The following P2RX7 variants were observed in gnomAD, a reference collection of about 807,000 sequenced individuals.
P2RX7 encodes the protein purinergic receptor P2X 7, also known as P2X purinoceptor 7.
P2RX7 carries 62 observed loss-of-function variants against 71.6 expected under a neutral mutation model. The observed-to-expected ratio is 0.87, with a 90% confidence interval of 0.71 to 1.07. P2RX7 has a LOEUF of 1.07. P2RX7 is among the 50% of genes least tolerant of loss of function. P2RX7 has a pLI of 0.00. For synonymous variants in P2RX7, 299 were observed against 283.3 expected (o/e 1.06, Z -0.56); for missense variants, 686 against 748.5 (o/e 0.92, Z 0.97).
intron 8 of P2RX7, among the ~76,000 whole-genome samples, chr12:121,174,720 A>G (rs1362821491): frequency 6.6e-6 from 1 of 152,050 alleles, no homozygotes; most frequent in Non-Finnish European, 1.5e-5. Flanking sequence ...TTCCCCCTTA[A>G]GGAATAGTCA....
At chr12:121,152,125 G>T (rs535251225) in intron 1 of P2RX7, among the ~76,000 whole-genome samples, 1 of 151,060 alleles carries the variant, frequency 6.6e-6, no homozygotes, top group Admixed American at 6.6e-5. Flanking sequence ...GATTACAGGC[G>T]CACACCACCA....
rs1307778619 is a variant in P2RX7, at chr12:121,187,809, AG to A, written c.*3008del. 6.6e-6 allele frequency: 1 copy of A among 152,202 alleles called. No individual in the cohort carries two copies. Among genetic ancestry groups the A allele is most frequent in the African/African-American group, 2.4e-5 (1 of 41,462 alleles). 9.4% of individuals were successfully genotyped at this position (152,202 alleles called of 1,614,324 possible). The stretch of plus-strand genomic sequence containing the variant: ...GTAGGATCTGTTTTCTTATACTTAA[AG>A]ACAGACTTCTGCTACGGTAATTGCC... On this transcript the variant is annotated 3_prime_UTR_variant, in exon 13 of 13. Coordinates refer to ENST00000328963, the MANE Select transcript of P2RX7 (RefSeq NM_002562.6).
At position 121,184,625 on chromosome 12, in the gene P2RX7, T is replaced by C; in HGVS notation, c.1611T>C (p.Asp537=). Residue 537 remains aspartate, a synonymous_variant, in exon 13 of 13, where the codon GAT becomes GAC. Transcript: ENST00000328963. The stretch of plus-strand genomic sequence containing the variant: ...ACCAGGAGCCCTTGCTGGCGCTGGA[T>C]GTGGATTCCACCAACAGCCGGCTGC... ...LLYQEPLLAL[D]VDSTNSRLRH... is the part of the protein sequence containing the mutation. 2.5e-6 allele frequency: 4 copies of C among 1,611,474 alleles called. No homozygotes were observed. Among genetic ancestry groups the C allele is most frequent in the Non-Finnish European group, 3.4e-6 (4 of 1,179,000 alleles).
intron 3 of P2RX7, among the ~76,000 whole-genome samples, chr12:121,156,611 T>C (rs1161978590): frequency 6.6e-6 from 1 of 152,222 alleles, no homozygotes; most frequent in African/African-American, 2.4e-5. Flanking sequence ...GGTTAGGACC[T>C]GAGTGTCCTC....
chr12:121,159,162 T>A (rs1879139588), intron 3 of P2RX7, among the ~76,000 whole-genome samples: 1 of 152,214 alleles, frequency 6.6e-6, no homozygotes, highest in African/African-American at 2.4e-5. Flanking sequence ...CTCACGCCTA[T>A]AATCCCAGCA....
chr12:121,171,004 G>T (rs1215771129), intron 8 of P2RX7, among the ~76,000 whole-genome samples: 1 of 152,092 alleles, frequency 6.6e-6, no homozygotes, highest in South Asian at 2.1e-4. Flanking sequence ...AGGTGATTCC[G>T]CTTATGCACG....
At chr12:121,156,407 C>A (rs959803833) in intron 3 of P2RX7, among the ~76,000 whole-genome samples, 44 of 152,340 alleles carry the variant, frequency 2.9e-4, no homozygotes, top group African/African-American at 1.0e-3. Context: ...CAGACGGCAA[C>A]CCTGCTCTTT....
chr12:121,172,152 C>T lies in P2RX7; in HGVS notation c.882-3236C>T, dbSNP rs576687778. Among the ~76,000 whole-genome samples, 176 of 152,134 alleles carry T rather than the reference C, an allele frequency of 1.2e-3. 1 individual carries two copies. Among genetic ancestry groups the T allele is most frequent in the African/African-American group, 4.1e-3 (172 of 41,500 alleles). ...CTGGGATTACAGGCGTGAGCCACTGCGCCCAGCCATCACCCCAAGTGATTC... is the reference window on the plus strand; with the variant it reads ...CTGGGATTACAGGCGTGAGCCACTGTGCCCAGCCATCACCCCAAGTGATTC... On this transcript the variant is annotated intron_variant, in intron 8 of 12. Transcript: ENST00000328963.
intron 8 of P2RX7, among the ~76,000 whole-genome samples, chr12:121,172,098 T>A (rs1882315521): frequency 6.7e-6 from 1 of 150,136 alleles, no homozygotes; most frequent in Non-Finnish European, 1.5e-5. Flanking sequence ...CCTGACCTCG[T>A]GATCTGCCTG....
chr12:121,180,511 T>C, intron 12 of P2RX7, 56 bp downstream of exon 12: 7 of 822,920 alleles, frequency 8.5e-6, no homozygotes, highest in Non-Finnish European at 1.4e-5. Flanking sequence ...CTGTTAAATA[T>C]AAACACATCT....
At chr12:121,148,778 G>A (rs1475573794) in intron 1 of P2RX7, among the ~76,000 whole-genome samples, 5 of 152,160 alleles carry the variant, frequency 3.3e-5, no homozygotes, top group Admixed American at 1.3e-4. Context: ...TGGCCGGGTG[G>A]ACCAGCGATG....
intron 6 of P2RX7, among the ~76,000 whole-genome samples, 157 bp from the exon 7 acceptor site, chr12:121,165,901 T>C (rs1440994131): frequency 6.6e-6 from 1 of 152,214 alleles, no homozygotes; most frequent in East Asian, 1.9e-4. Context: ...TCAACCCTGG[T>C]CCAGTGTGAG....
rs1464668885 is a variant in P2RX7, at chr12:121,133,097, T to C, written c.125+2T>C. 6.2e-7 allele frequency: 1 copy of C among 1,614,036 alleles called. No homozygotes were observed. Among genetic ancestry groups the C allele is most frequent in the South Asian group, 1.1e-5 (1 of 91,084 alleles). ...CGTGATCATCTTTTCCTACGTTTGG[T>C]AAGTGGGATCTGGGGAGGACCCAGA... On this transcript the variant is annotated splice_donor_variant, in intron 1 of 12. Transcript: ENST00000328963. LOFTEE classifies it high-confidence loss of function.
At chr12:121,151,055 C>T (rs1877292124) in intron 1 of P2RX7, among the ~76,000 whole-genome samples, 1 of 152,070 alleles carries the variant, frequency 6.6e-6, no homozygotes, top group Non-Finnish European at 1.5e-5. Context: ...ATTCTCTTTC[C>T]TTTTGCTTTA....
In P2RX7 at chr12:121,165,360, T is replaced by C. The variant is rs750223826; in HGVS notation, c.537T>C (p.Pro179=). 1.9e-6 allele frequency: 3 copies of C among 1,613,878 alleles called. No homozygotes were observed. In the South Asian group the frequency reaches 3.3e-5, roughly 18 times the overall value. ...ATTTTGCATGTCTCTCTCCCAGGCC[T>C]GCTCTCTTGAACAGTGCCGAAAACT... ...PIEAVEEAPR[P]ALLNSAENFT... Residue 179 remains proline (P), a synonymous_variant, in exon 6 of 13, where the codon CCT becomes CCC. Transcript: ENST00000328963.
At chr12:121,164,712 G>A (rs2857587) in intron 5 of P2RX7, among the ~76,000 whole-genome samples, 10,233 of 152,252 alleles carry the variant, frequency 0.067, 384 homozygotes, top group South Asian at 0.094. Context: ...AACCCGGGAG[G>A]TGGAGGTTGC....
intron 1 of P2RX7, among the ~76,000 whole-genome samples, chr12:121,138,468 T>C (rs372282286): frequency 6.6e-6 from 1 of 152,194 alleles, no homozygotes; most frequent in African/African-American, 2.4e-5. Context: ...CAAGGTGTCA[T>C]CCCATTGGCC....
chr12:121,167,009 A>G (rs1019059189), intron 7 of P2RX7, among the ~76,000 whole-genome samples: 6 of 150,386 alleles, frequency 4.0e-5, no homozygotes, highest in Admixed American at 3.3e-4. Context: ...CCGAGATCGC[A>G]CCACTGCACT....
intron 5 of P2RX7, among the ~76,000 whole-genome samples, 200 bp downstream of exon 5, chr12:121,162,720 G>A (rs1880004979): frequency 6.6e-6 from 1 of 152,130 alleles, no homozygotes; most frequent in African/African-American, 2.4e-5. Flanking sequence ...GTAAACTGTT[G>A]TAACACTCCT....
Sources: allele counts gnomAD v4.1 joint callset (sites outside exome capture counted in the v4.1 genomes callset), GRCh38; gene constraint gnomAD v4.1.1; transcripts MANE v1.5; gene names NCBI Gene and HGNC (gene_info 2026-07-23, HGNC 2026-07-21).